The following ATP11B variants were observed in gnomAD, a reference collection of about 807,000 sequenced individuals.
The protein encoded by ATP11B is phospholipid-transporting ATPase IF.
A neutral mutation model predicts 157.8 loss-of-function variants in ATP11B; 81 were observed. That is an observed-to-expected ratio of 0.51 (90% CI 0.43 to 0.62). The LOEUF is 0.62. ATP11B is among the 20% of genes least tolerant of loss of function. The pLI is 0.00. For missense variants in ATP11B, 1,165 were observed against 1,402.2 expected, an observed-to-expected ratio of 0.83 and a Z score of 2.70; for synonymous variants, 451 against 469.4, an observed-to-expected ratio of 0.96 and a Z score of 0.51.
intron 10 of ATP11B, among the ~76,000 whole-genome samples, chr3:182,854,472 A>AAAAAC (rs145673205): frequency 6.0e-5 from 9 of 150,826 alleles, no homozygotes; most frequent in African/African-American, 1.7e-4. Flanking sequence ...CTCCATCTAA[A>AAAAAC]AAAACAAAAC....
At chr3:182,898,466 C>T in intron 27 of ATP11B, 141 bp from the exon 28 acceptor site, 1 of 537,340 alleles carries the variant, frequency 1.9e-6, no homozygotes, top group African/African-American at 2.0e-5. Context: ...TTTGTTAGTT[C>T]AGTTAATTAA....
At chr3:182,852,797 T>G (rs908805325) in intron 10 of ATP11B, among the ~76,000 whole-genome samples, 2 of 152,192 alleles carry the variant, frequency 1.3e-5, no homozygotes, top group African/African-American at 4.8e-5. Flanking sequence ...AAAGATTTCT[T>G]AGATGGGAAA....
chr3:182,835,579 T>C (rs1223455399), intron 4 of ATP11B, among the ~76,000 whole-genome samples: 1 of 152,170 alleles, frequency 6.6e-6, no homozygotes, highest in Non-Finnish European at 1.5e-5. Flanking sequence ...TGAATATGTT[T>C]AAGACATTTA....
intron 9 of ATP11B, among the ~76,000 whole-genome samples, chr3:182,847,192 A>G (rs1719600985): frequency 6.6e-6 from 1 of 151,942 alleles, no homozygotes; most frequent in Non-Finnish European, 1.5e-5. Context: ...CTGAGATTAC[A>G]GGCATGTGCC....
chr3:182,793,808 C>A (rs1004205877), intron 1 of ATP11B, 22 bp downstream of exon 1: 1 of 1,350,948 alleles, frequency 7.4e-7, no homozygotes, highest in Admixed American at 2.9e-5. Flanking sequence ...CGCCCCTCCA[C>A]CTCCATTCGT....
At chr3:182,905,566 TTTAG>T (rs2083187286) in intron 28 of ATP11B, among the ~76,000 whole-genome samples, 1 of 152,208 alleles carries the variant, frequency 6.6e-6, no homozygotes, top group South Asian at 2.1e-4. Flanking sequence ...GTAATATATG[TTTAG>T]TTAGAGCTTC....
rs143555719 is a variant in ATP11B at position 182,804,628 on chromosome 3, T to G, written c.27+10842T>G. On this transcript the variant is annotated intron_variant, in intron 1 of 29. Coordinates refer to ENST00000323116, the MANE Select transcript of ATP11B (RefSeq NM_014616.3). ...TTCTCTTTGACCAGCTTTATTGAGA[T>G]ACAACTCACATAACATACAATTTAC... 1.0e-3 allele frequency among the ~76,000 whole-genome samples: 153 copies of G among 152,334 alleles called. 1 individual carries two copies. In the East Asian group the frequency reaches 0.02, roughly 20 times the overall value.
chr3:182,874,527 A>G (rs1721893822), intron 19 of ATP11B, among the ~76,000 whole-genome samples: 1 of 152,188 alleles, frequency 6.6e-6, no homozygotes, highest in Admixed American at 6.5e-5. Context: ...AGCACTGTGG[A>G]TAGGGGATTA....
At chr3:182,834,380 A>G (rs1718381327) in intron 4 of ATP11B, among the ~76,000 whole-genome samples, 1 of 152,132 alleles carries the variant, frequency 6.6e-6, no homozygotes, top group Non-Finnish European at 1.5e-5. Flanking sequence ...TTTTAAGGGA[A>G]ACAGCACAAA....
At chr3:182,883,261 C>CT (rs113393141) in intron 21 of ATP11B, among the ~76,000 whole-genome samples, 3,587 of 144,890 alleles carry the variant, frequency 0.025, 145 homozygotes, top group African/African-American at 0.08. Flanking sequence ...TAAAACAATC[C>CT]TTTTTTTTTT....
intron 28 of ATP11B, among the ~76,000 whole-genome samples, chr3:182,902,843 C>T (rs1577104741): frequency 6.6e-6 from 1 of 151,964 alleles, no homozygotes; most frequent in Admixed American, 6.6e-5. Flanking sequence ...ACTACCTTTT[C>T]TAGTACAATT....
chr3:182,855,152 A>T (rs772388533), intron 10 of ATP11B, among the ~76,000 whole-genome samples: 9 of 152,230 alleles, frequency 5.9e-5, no homozygotes, highest in Non-Finnish European at 1.0e-4. Flanking sequence ...GTTAAGTGTT[A>T]CTATATAAGC....
At chr3:182,894,171 T>A (rs1481809503) in intron 25 of ATP11B, among the ~76,000 whole-genome samples, 1 of 152,176 alleles carries the variant, frequency 6.6e-6, no homozygotes, top group Non-Finnish European at 1.5e-5. Context: ...GTGCAGAAGC[T>A]TTTTGGTTAA....
chr3:182,897,360 A>C lies in ATP11B; in HGVS notation c.3106A>C (p.Ile1036Leu). The C allele has an allele frequency of 1.9e-6, 3 of 1,592,132 alleles. No individual in the cohort carries two copies. Among genetic ancestry groups the C allele is most frequent in the Non-Finnish European group, 1.7e-6 (2 of 1,173,576 alleles). The change falls in exon 27 of 30, where the codon ATT becomes CTT. Residue 1036 changes from isoleucine to leucine, a missense_variant. This residue lies in a region of ATP11B where 303 missense variants were observed against 296.3 expected (regional missense o/e 1.02). Transcript: ENST00000323116. ...CAACCATCTCGTTACCTGGGGATCT[A>C]TTATATTTTATTTTGTATTTTCCTT... The part of the protein sequence containing the change: ...WINHLVTWGS[I>L]IFYFVFSLFY...
chr3:182,831,474 AG>A (rs1427452355), intron 4 of ATP11B, among the ~76,000 whole-genome samples: 12 of 152,198 alleles, frequency 7.9e-5, no homozygotes. Context: ...ACTGAACAGT[AG>A]CTTTGCATCA....
At chr3:182,894,780 G>A (rs1723417560) in intron 25 of ATP11B, among the ~76,000 whole-genome samples, 1 of 151,888 alleles carries the variant, frequency 6.6e-6, no homozygotes, top group South Asian at 2.1e-4. Flanking sequence ...CTGAAGGATG[G>A]ACATGTCCTT....
chr3:182,911,278 C>CCCG (rs1553826129), intron 28 of ATP11B, among the ~76,000 whole-genome samples: 2 of 124,682 alleles, frequency 1.6e-5, no homozygotes, highest in Non-Finnish European at 1.6e-5. Flanking sequence ...AATGCCCCCC[C>CCCG]CCGCTAAGTC....
intron 1 of ATP11B, among the ~76,000 whole-genome samples, chr3:182,819,005 G>C (rs1444253291): frequency 6.6e-6 from 1 of 150,774 alleles, no homozygotes. Context: ...TCTTTCATTT[G>C]GATATTGCTT....
intron 28 of ATP11B, among the ~76,000 whole-genome samples, chr3:182,903,045 T>C (rs1302579267): frequency 6.6e-6 from 1 of 152,186 alleles, no homozygotes; most frequent in Non-Finnish European, 1.5e-5. Flanking sequence ...TGGCTACTAT[T>C]TAGTGCATCT....
Sources: gnomAD v4.1 joint callset for allele counts (sites outside exome capture counted in the v4.1 genomes callset) on GRCh38, gnomAD v4.1.1 for gene constraint, gnomAD v4.1.1 regional missense constraint, MANE v1.5 for transcripts, NCBI Gene and HGNC (gene_info 2026-07-23, HGNC 2026-07-21) for gene names.